SLC30A8: variants seen among roughly 807,000 people sequenced by gnomAD.
The protein encoded by SLC30A8 is solute carrier family 30 member 8, also known as proton-coupled zinc antiporter SLC30A8.
A neutral mutation model predicts 36.9 loss-of-function variants in SLC30A8; 27 were observed. The ratio of observed to expected loss-of-function variants is 0.73; its 90% CI spans 0.54 to 1.01. SLC30A8 has a LOEUF of 1.01. Among genes scored for constraint, SLC30A8 ranks in the 50% least tolerant of loss-of-function variants. The pLI is 0.00. For synonymous variants in SLC30A8, 164 were observed against 172.4 expected, an observed-to-expected ratio of 0.95 and a Z score of 0.38; for missense variants, 439 against 452.0, an observed-to-expected ratio of 0.97 and a Z score of 0.26.
chr8:117,000,529 G>A (rs577055277), intron 1 of SLC30A8, among the ~76,000 whole-genome samples: 2 of 152,296 alleles, frequency 1.3e-5, no homozygotes, highest in East Asian at 3.9e-4. Flanking sequence ...TTAGTTTTGT[G>A]CCTGGATCTA....
rs1324170475 is a variant in SLC30A8 at position 117,176,039 on chromosome 8, T to C, written c.*3358T>C. The C allele has an allele frequency of 6.6e-6, 1 of 152,080 alleles. No homozygotes were observed. Among genetic ancestry groups the C allele is most frequent in the Non-Finnish European group, 1.5e-5 (1 of 68,002 alleles). 9.4% of individuals were successfully genotyped at this position (152,080 alleles called of 1,614,324 possible). On this transcript the variant is annotated 3_prime_UTR_variant, in exon 8 of 8. Coordinates refer to ENST00000456015, the MANE Select transcript of SLC30A8 (RefSeq NM_173851.3). Reference sequence around the variant, plus strand: ...AAGGCAAAGTCATAGGTCTCCCAAGTCTTACCCCATTCCTGTGAAATATCA... The same window carrying C: ...AAGGCAAAGTCATAGGTCTCCCAAGCCTTACCCCATTCCTGTGAAATATCA...
At chr8:117,082,730 G>A (rs1818715814) in intron 2 of SLC30A8, among the ~76,000 whole-genome samples, 1 of 152,164 alleles carries the variant, frequency 6.6e-6, no homozygotes, top group Non-Finnish European at 1.5e-5. Context: ...AATGTAAGAA[G>A]TGTTCAGTCA....
chr8:116,983,249 C>T (rs1442946354), intron 1 of SLC30A8, among the ~76,000 whole-genome samples: 1 of 152,010 alleles, frequency 6.6e-6, no homozygotes, highest in Non-Finnish European at 1.5e-5. Flanking sequence ...CAGATATAGT[C>T]CCTTTCTGAG....
intron 2 of SLC30A8, among the ~76,000 whole-genome samples, chr8:117,150,885 G>A (rs969304863): frequency 4.6e-5 from 7 of 152,202 alleles, no homozygotes; most frequent in African/African-American, 9.6e-5. Flanking sequence ...GATTACAGGC[G>A]TGAGCCACCA....
intron 1 of SLC30A8, among the ~76,000 whole-genome samples, chr8:116,962,811 C>T: frequency 6.6e-6 from 1 of 151,924 alleles, no homozygotes; most frequent in Non-Finnish European, 1.5e-5. Flanking sequence ...AGAAGGATTA[C>T]TTCGTGAATT....
intron 1 of SLC30A8, among the ~76,000 whole-genome samples, chr8:117,140,426 T>G (rs1381358118): frequency 1.3e-5 from 2 of 152,004 alleles, no homozygotes; most frequent in Non-Finnish European, 2.9e-5. Context: ...ATCAAGCAAA[T>G]AGATTTACAT....
At chr8:116,966,933 C>A (rs1814619142) in intron 1 of SLC30A8, among the ~76,000 whole-genome samples, 1 of 152,162 alleles carries the variant, frequency 6.6e-6, no homozygotes, top group Admixed American at 6.5e-5. Context: ...GAATAAAAAT[C>A]ATTCTCTGAT....
intron 2 of SLC30A8, among the ~76,000 whole-genome samples, chr8:117,047,645 C>A (rs1817593416): frequency 6.6e-6 from 1 of 152,052 alleles, no homozygotes; most frequent in Non-Finnish European, 1.5e-5. Flanking sequence ...ATCTTCTGGT[C>A]ACAGATCTTT....
chr8:117,100,886 A>G (rs1819685254), intron 2 of SLC30A8, among the ~76,000 whole-genome samples: 1 of 152,152 alleles, frequency 6.6e-6, no homozygotes, highest in Non-Finnish European at 1.5e-5. Context: ...TCATGAATGT[A>G]ACTCTTCTCT....
intron 2 of SLC30A8, among the ~76,000 whole-genome samples, chr8:117,093,622 AAACT>A (rs1451994363): frequency 2.6e-5 from 4 of 152,174 alleles, no homozygotes; most frequent in African/African-American, 9.6e-5. Flanking sequence ...CAAATGAATA[AAACT>A]AACTAGTAAT....
chr8:116,952,123 G>C (rs1427669307), intron 1 of SLC30A8, among the ~76,000 whole-genome samples: 1 of 152,094 alleles, frequency 6.6e-6, no homozygotes, highest in Non-Finnish European at 1.5e-5. Flanking sequence ...TGCTAGAGGT[G>C]AGCAAAGTCA....
At chr8:117,151,208 C>T (rs1403695282) in intron 2 of SLC30A8, among the ~76,000 whole-genome samples, 1 of 152,184 alleles carries the variant, frequency 6.6e-6, no homozygotes, top group Non-Finnish European at 1.5e-5. Context: ...AAGTTCCTCA[C>T]TCTTCCCAGT....
intron 2 of SLC30A8, among the ~76,000 whole-genome samples, chr8:117,094,375 G>A (rs900468632): frequency 2.6e-5 from 4 of 152,126 alleles, no homozygotes; most frequent in Non-Finnish European, 2.9e-5. Flanking sequence ...GAGGAGACCC[G>A]CAGTGGGTAG....
At chr8:116,985,218 C>T (rs1376228888) in intron 1 of SLC30A8, among the ~76,000 whole-genome samples, 4 of 150,690 alleles carry the variant, frequency 2.7e-5, no homozygotes, top group Non-Finnish European at 5.9e-5. Flanking sequence ...CCTGGGGTAG[C>T]TACTATAATT....
At chr8:116,990,461 T>TA (rs755212615) in intron 1 of SLC30A8, among the ~76,000 whole-genome samples, 43 of 152,158 alleles carry the variant, frequency 2.8e-4, no homozygotes, top group Non-Finnish European at 1.2e-4. Flanking sequence ...CCCTAAAACT[T>TA]AAAACTCTTA....
chr8:117,074,005 G>T (rs1182870946), intron 2 of SLC30A8, among the ~76,000 whole-genome samples: 2 of 117,896 alleles, frequency 1.7e-5, no homozygotes, highest in African/African-American at 6.7e-5. Context: ...GTAGAAGGCA[G>T]CATCGTACTT....
chr8:116,955,503 G>A (rs968031107), intron 1 of SLC30A8, among the ~76,000 whole-genome samples: 1 of 152,128 alleles, frequency 6.6e-6, no homozygotes, highest in African/African-American at 2.4e-5. Flanking sequence ...GCTGAGGTGG[G>A]TGGATCACTT....
At chr8:117,055,894 G>A (rs1817856239) in intron 2 of SLC30A8, 1 of 152,228 alleles carries the variant, frequency 6.6e-6, no homozygotes, top group East Asian at 1.9e-4. Context: ...GGGATCTGCA[G>A]ACTTGGCTAA....
rs143954621 is a variant in SLC30A8, at chr8:117,129,678, C to T, written c.-225-5602C>T. Among the ~76,000 whole-genome samples, 782 of 151,796 alleles carry T rather than the reference C, an allele frequency of 5.2e-3. 7 individuals are homozygous for T. The highest frequency in any genetic ancestry group is 8.0e-3 in the Non-Finnish European group (544 of 67,896). ...ATTGTGTCCTGATATTATTTTTTAACAGTTTAATATGAAAGTTTAAAATGA... is the reference window on the plus strand; with the variant it reads ...ATTGTGTCCTGATATTATTTTTTAATAGTTTAATATGAAAGTTTAAAATGA... On this transcript the variant is annotated intron_variant, in intron 2 of 10. Transcript: ENST00000427715.
Sources: gnomAD v4.1 joint callset for allele counts (sites outside exome capture counted in the v4.1 genomes callset) on GRCh38, gnomAD v4.1.1 for gene constraint, MANE v1.5 for transcripts, NCBI Gene and HGNC (gene_info 2026-07-23, HGNC 2026-07-21) for gene names.